NARS2: variants seen among roughly 807,000 people sequenced by gnomAD.
The protein encoded by NARS2 is asparaginyl-tRNA synthetase.
In NARS2, 60 loss-of-function variants were observed where a neutral mutation model predicts 62.9. The ratio of observed to expected loss-of-function variants is 0.95; its 90% CI spans 0.77 to 1.18. The LOEUF (loss-of-function observed/expected upper bound fraction) is 1.18. Among genes scored for constraint, NARS2 ranks in the 50% most tolerant of loss-of-function variants. The pLI, the probability that NARS2 is intolerant of heterozygous loss-of-function variation, is 0.00. For missense variants in NARS2, 619 were observed against 576.4 expected, an observed-to-expected ratio of 1.07 and a Z score of -0.76; for synonymous variants, 196 against 200.0, an observed-to-expected ratio of 0.98 and a Z score of 0.17.
At chr11:78,518,718 G>T (rs1300489233) in intron 6 of NARS2, among the ~76,000 whole-genome samples, 1 of 151,968 alleles carries the variant, frequency 6.6e-6, no homozygotes, top group Admixed American at 6.5e-5. Context: ...GGGATTTCAC[G>T]GTGTTAGCCA....
chr11:78,544,710 C>T (rs1007498113), intron 5 of NARS2, among the ~76,000 whole-genome samples: 3 of 143,804 alleles, frequency 2.1e-5, no homozygotes, highest in Non-Finnish European at 4.5e-5. Context: ...AGGAGAACGG[C>T]GTGAACCTGG....
In NARS2 at chr11:78,505,473, T is replaced by C. The variant is rs530642429; in HGVS notation, c.690-12278A>G. On this transcript the variant is annotated intron_variant, in intron 6 of 13. Transcript: ENST00000281038. ...GATGGAGTTTTTTTTTTTTAACTGATTTTTCCCCCCAACTAGAATATACTG... is the reference window on the plus strand; with the variant it reads ...GATGGAGTTTTTTTTTTTTAACTGACTTTTCCCCCCAACTAGAATATACTG... Among the ~76,000 whole-genome samples the C allele has an allele frequency of 1.4e-4, 22 of 151,980 alleles. No homozygotes were observed. The South Asian group carries it at 4.6e-3, about 32-fold the overall frequency.
chr11:78,519,916 A>C (rs1332559177), intron 6 of NARS2, among the ~76,000 whole-genome samples: 2 of 152,048 alleles, frequency 1.3e-5, no homozygotes, highest in Non-Finnish European at 2.9e-5. Flanking sequence ...GATGGTCTCG[A>C]TCTCCTGACC....
intron 13 of NARS2, among the ~76,000 whole-genome samples, chr11:78,439,822 G>A (rs1857521170): frequency 6.6e-6 from 1 of 152,060 alleles, no homozygotes; most frequent in Non-Finnish European, 1.5e-5. Flanking sequence ...CTGAAGGAGT[G>A]CTAATATAGA....
intron 6 of NARS2, among the ~76,000 whole-genome samples, chr11:78,506,836 G>C (rs537003287): frequency 6.6e-6 from 1 of 152,266 alleles, no homozygotes; most frequent in African/African-American, 2.4e-5. Flanking sequence ...ACTGCACTTG[G>C]CCTGATGTAA....
chr11:78,512,312 T>C lies in NARS2; in HGVS notation c.689+16530A>G, dbSNP rs144406307. Reference sequence around the variant, plus strand: ...ATGAACTCCAGTTCTGTCAGTAATATAAAATAATTTGATTATTACCTGCCA... The same window carrying C: ...ATGAACTCCAGTTCTGTCAGTAATACAAAATAATTTGATTATTACCTGCCA... On this transcript the variant is annotated intron_variant, in intron 6 of 13. Coordinates refer to ENST00000281038, the MANE Select transcript of NARS2 (RefSeq NM_024678.6). Among the ~76,000 whole-genome samples the C allele has an allele frequency of 5.2e-3, 788 of 152,340 alleles. 4 individuals are homozygous for C. Among genetic ancestry groups the C allele is most frequent in the African/African-American group, 0.018 (764 of 41,570 alleles).
intron 9 of NARS2, among the ~76,000 whole-genome samples, chr11:78,475,580 C>CTTTTTTTT (rs377023107): frequency 6.4e-5 from 6 of 93,976 alleles, no homozygotes; most frequent in Non-Finnish European, 1.0e-4. Context: ...TATCATTTGA[C>CTTTTTTTT]TTTTTTTTTT....
chr11:78,493,153 A>C lies in NARS2; in HGVS notation c.732T>G (p.Ala244=), dbSNP rs757520061. The C allele has an allele frequency of 6.2e-7, 1 of 1,613,972 alleles. No homozygotes were observed. The highest frequency in any genetic ancestry group is 1.1e-5 in the South Asian group (1 of 91,074). Residue 244 remains alanine, a synonymous_variant, in exon 7 of 14, where the codon GCT becomes GCG. Transcript: ENST00000281038. ...QVFTFGPTFR[A]ENSQSRRHLA... is the part of the protein sequence containing the mutation. ...GGTGCCTCCGGCTCTGAGAATTTTC[A>C]GCTCGGAAGGTCGGACCAAAGGTAA...
At chr11:78,529,716 G>C (rs994360450) in intron 5 of NARS2, among the ~76,000 whole-genome samples, 3 of 152,150 alleles carry the variant, frequency 2.0e-5, no homozygotes, top group Non-Finnish European at 4.4e-5. Context: ...TTTAAACACA[G>C]GGTCTCATTA....
At chr11:78,545,190 T>A (rs1253259163) in intron 5 of NARS2, among the ~76,000 whole-genome samples, 1 of 152,192 alleles carries the variant, frequency 6.6e-6, no homozygotes, top group African/African-American at 2.4e-5. Context: ...GTATAAAAAG[T>A]TTATATCATC....
intron 6 of NARS2, among the ~76,000 whole-genome samples, chr11:78,495,893 GTATAC>G (rs1476185734): frequency 4.6e-4 from 70 of 152,256 alleles, no homozygotes; most frequent in African/African-American, 1.4e-3. Context: ...GAAATTGTGT[GTATAC>G]TTATGGAGCA....
At chr11:78,571,753 C>G in intron 1 of NARS2, 1 of 228,388 alleles carries the variant, frequency 4.4e-6, no homozygotes. Context: ...CCAGGTATTT[C>G]CTCCCAGAGC....
intron 5 of NARS2, among the ~76,000 whole-genome samples, chr11:78,534,430 AT>A (rs1177535767): frequency 2.0e-5 from 3 of 151,950 alleles, no homozygotes; most frequent in East Asian, 1.9e-4. Flanking sequence ...AGTAGCAGTT[AT>A]TTTTTTTAGG....
chr11:78,496,302 G>A (rs1352236109), intron 6 of NARS2, among the ~76,000 whole-genome samples: 1 of 152,116 alleles, frequency 6.6e-6, no homozygotes, highest in East Asian at 1.9e-4. Flanking sequence ...AATAGTAGTA[G>A]TAGTACTAGT....
At chr11:78,440,087 C>T (rs1205585014) in intron 13 of NARS2, among the ~76,000 whole-genome samples, 2 of 152,118 alleles carry the variant, frequency 1.3e-5, no homozygotes, top group Admixed American at 6.5e-5. Flanking sequence ...TTTTTTGAGA[C>T]GGAGTCTCGC....
chr11:78,502,991 C>CAAAAAAAAA (rs550751384), intron 6 of NARS2, among the ~76,000 whole-genome samples: 1,452 of 82,828 alleles, frequency 0.018, 197 homozygotes, highest in African/African-American at 0.089. Context: ...GAGACTGTCT[C>CAAAAAAAAA]AAAAAAAAAA....
At chr11:78,526,169 G>C (rs915004632) in intron 6 of NARS2, among the ~76,000 whole-genome samples, 2 of 152,212 alleles carry the variant, frequency 1.3e-5, no homozygotes, top group South Asian at 2.1e-4. Flanking sequence ...ATGTATCATG[G>C]TCATGGAAGA....
At chr11:78,559,473 T>C (rs1856483287) in intron 5 of NARS2, 66 bp downstream of exon 5, 1 of 1,065,322 alleles carries the variant, frequency 9.4e-7, no homozygotes, top group Non-Finnish European at 1.4e-6. Context: ...TATTATTAAA[T>C]TTCAAACCCT....
chr11:78,535,635 T>C (rs1861642919), intron 5 of NARS2, among the ~76,000 whole-genome samples: 1 of 151,916 alleles, frequency 6.6e-6, no homozygotes, highest in Non-Finnish European at 1.5e-5. Context: ...GAAAGCTCTT[T>C]TTTTTTTTTG....
Sources: allele counts gnomAD v4.1 joint callset (sites outside exome capture counted in the v4.1 genomes callset), GRCh38; gene constraint gnomAD v4.1.1; transcripts MANE v1.5; gene names NCBI Gene and HGNC (gene_info 2026-07-23, HGNC 2026-07-21).